Variants in FNIP2 observed in about 807,000 individuals in gnomAD.
FNIP2 encodes the protein folliculin interacting protein 2.
Under a neutral mutation model 108.7 loss-of-function variants are expected in FNIP2, and 32 were observed. The observed-to-expected ratio is 0.29, with a 90% CI of 0.22 to 0.40. FNIP2 has a LOEUF of 0.40. Ranked by LOEUF, FNIP2 falls within the 10% of genes least tolerant of loss-of-function variation. FNIP2 has a pLI of 1.00. For synonymous variants in FNIP2, 480 were observed against 496.7 expected (o/e 0.97, Z 0.45); for missense variants, 1,202 against 1,381.6 (o/e 0.87, Z 2.06).
At chr4:158,832,439 TA>T (rs1333585641) in intron 5 of FNIP2, among the ~76,000 whole-genome samples, 2 of 152,238 alleles carry the variant, frequency 1.3e-5, no homozygotes, top group Non-Finnish European at 2.9e-5. Context: ...GGGAAGGGGC[TA>T]CATTATTCTG....
intron 1 of FNIP2, among the ~76,000 whole-genome samples, chr4:158,800,441 G>A (rs553157846): frequency 6.6e-6 from 1 of 152,218 alleles, no homozygotes; most frequent in Admixed American, 6.5e-5. Context: ...ACCCTTCCAG[G>A]GTGAGTGCTT....
intron 1 of FNIP2, among the ~76,000 whole-genome samples, chr4:158,793,102 G>A (rs1776474515): frequency 6.6e-6 from 1 of 152,154 alleles, no homozygotes; most frequent in South Asian, 2.1e-4. Context: ...AGAAGGCAGA[G>A]AACAACACAT....
chr4:158,855,909 T>C (rs997532693), intron 8 of FNIP2, among the ~76,000 whole-genome samples: 4 of 152,224 alleles, frequency 2.6e-5, no homozygotes, highest in African/African-American at 7.2e-5. Context: ...AAAATGTCCT[T>C]CCTAAGAGAG....
chr4:158,849,792 C>T (rs964169280), intron 7 of FNIP2, among the ~76,000 whole-genome samples: 10 of 149,668 alleles, frequency 6.7e-5, no homozygotes, highest in African/African-American at 2.5e-4. Context: ...CCACATGTAA[C>T]AGTTTGGTTA....
intron 7 of FNIP2, among the ~76,000 whole-genome samples, chr4:158,840,335 T>G (rs1779054530): frequency 6.6e-6 from 1 of 152,202 alleles, no homozygotes; most frequent in Admixed American, 6.5e-5. Context: ...CAGCTGTAAT[T>G]TAGAAATAGG....
At chr4:158,805,521 G>T (rs1041651201) in intron 1 of FNIP2, among the ~76,000 whole-genome samples, 1 of 152,116 alleles carries the variant, frequency 6.6e-6, no homozygotes, top group Non-Finnish European at 1.5e-5. Context: ...ATGGCTGCTC[G>T]TTATCATTTT....
At position 158,868,912 on chromosome 4, in the gene FNIP2, A is replaced by C. The variant is rs1359364177; in HGVS notation, c.2276A>C (p.Gln759Pro). The change falls in exon 13 of 17, where the codon CAG (glutamine) becomes CCG (proline). Residue 759 changes from glutamine (Q) to proline (P), a missense_variant. By Grantham distance (76) the Gln-to-Pro change is moderately conservative. This residue lies in a region of FNIP2 where 878 missense variants were observed against 990.3 expected (regional missense o/e 0.89). Transcript: ENST00000264433. The surrounding 1 kb of genome is among the most constrained non-coding windows in gnomAD (Gnocchi z 4.6). ...LEASEAADVA[Q>P]DPQVSRSPFK... ...GCCAGTGAGGCTGCTGATGTGGCTC[A>C]GGACCCGCAGGTTTCTAGGAGCCCT... 6.2e-7 allele frequency: 1 copy of C among 1,614,014 alleles called. No individual in the cohort carries two copies. Among genetic ancestry groups the C allele is most frequent in the East Asian group, 2.2e-5 (1 of 44,884 alleles).
At chr4:158,812,292 A>T (rs1296225011) in intron 1 of FNIP2, among the ~76,000 whole-genome samples, 3 of 152,206 alleles carry the variant, frequency 2.0e-5, no homozygotes, top group Non-Finnish European at 4.4e-5. Flanking sequence ...CACATGTGAC[A>T]GTTGGGTACA....
intron 1 of FNIP2, among the ~76,000 whole-genome samples, chr4:158,779,632 C>G (rs1486991705): frequency 2.8e-5 from 4 of 143,398 alleles, no homozygotes; most frequent in Non-Finnish European, 6.0e-5. Context: ...AGCAGTGGTA[C>G]AATCACAGTT....
At chr4:158,876,296 G>A (rs933145702) in intron 14 of FNIP2, among the ~76,000 whole-genome samples, 2 of 152,162 alleles carry the variant, frequency 1.3e-5, no homozygotes, top group Non-Finnish European at 2.9e-5. Flanking sequence ...TCTAAAGCAT[G>A]AGACAATCAT....
At chr4:158,858,662 T>G (rs566097755) in intron 8 of FNIP2, among the ~76,000 whole-genome samples, 2 of 152,222 alleles carry the variant, frequency 1.3e-5, no homozygotes, top group Non-Finnish European at 2.9e-5. Context: ...TGTTTACTCT[T>G]GTTCAATAGA....
rs1778326531 is a variant in FNIP2 at position 158,829,216 on chromosome 4, A to G, written c.372A>G (p.Pro124=). The part of the protein sequence containing the change: ...GSSHHAKEQL[P]KYQYTRPASD... ...CACATCATGCTAAGGAACAGCTTCC[A>G]AAGTACCAGGTACAACCATCCCTTC... Residue 124 remains proline, a synonymous_variant, in exon 3 of 17, where the codon CCA becomes CCG. Transcript: ENST00000264433. 3 of 1,611,150 alleles carry G rather than the reference A, an allele frequency of 1.9e-6. No individual in the cohort carries two copies. The highest frequency in any genetic ancestry group is 1.3e-5 in the African/African-American group (1 of 74,962).
At chr4:158,788,327 AGG>A (rs765309359) in intron 1 of FNIP2, among the ~76,000 whole-genome samples, 96 of 152,340 alleles carry the variant, frequency 6.3e-4, no homozygotes, top group Admixed American at 9.8e-4. Context: ...CTCCCCTCTG[AGG>A]ACAGGGATGA....
At chr4:158,883,812 C>T (rs920829420) in intron 14 of FNIP2, among the ~76,000 whole-genome samples, 1 of 152,170 alleles carries the variant, frequency 6.6e-6, no homozygotes, top group African/African-American at 2.4e-5. Flanking sequence ...ATCATTCACA[C>T]TTCTTGCACT....
chr4:158,861,531 C>G, intron 11 of FNIP2, 43 bp downstream of exon 11: 1 of 1,613,512 alleles, frequency 6.2e-7, no homozygotes. Context: ...AATCTCATGG[C>G]CAATGTGTGT....
chr4:158,770,895 G>A (rs1235535014), intron 1 of FNIP2, among the ~76,000 whole-genome samples: 3 of 152,096 alleles, frequency 2.0e-5, no homozygotes, highest in East Asian at 1.9e-4. Context: ...AGATAGTGGC[G>A]GTTACTTGTC....
chr4:158,892,165 CAG>C (rs1207557587), intron 15 of FNIP2, among the ~76,000 whole-genome samples: 2 of 105,740 alleles, frequency 1.9e-5, no homozygotes, highest in East Asian at 2.9e-4. Flanking sequence ...TTTTTTTTGA[CAG>C]AGTCTCACTC....
At chr4:158,854,219 C>T (rs1379961451) in intron 8 of FNIP2, among the ~76,000 whole-genome samples, 1 of 152,198 alleles carries the variant, frequency 6.6e-6, no homozygotes, top group Admixed American at 6.5e-5. Context: ...TGTCCTGGTG[C>T]TCAGGTCATA....
chr4:158,873,328 T>G (rs1329013023), intron 14 of FNIP2, among the ~76,000 whole-genome samples: 1 of 152,206 alleles, frequency 6.6e-6, no homozygotes, highest in Admixed American at 6.5e-5. Flanking sequence ...TTTAATAATC[T>G]GTCTTATGTA....
Sources: allele counts gnomAD v4.1 joint callset (sites outside exome capture counted in the v4.1 genomes callset), GRCh38; gene constraint gnomAD v4.1.1; regional missense constraint gnomAD v4.1.1; non-coding constraint Gnocchi (gnomAD v3.1); transcripts MANE v1.5; gene names NCBI Gene and HGNC (gene_info 2026-07-23, HGNC 2026-07-21).